PTPRN2: variants seen among roughly 807,000 people sequenced by gnomAD.
PTPRN2 encodes the protein protein tyrosine phosphatase receptor type N2.
Under a neutral mutation model 118.8 loss-of-function variants are expected in PTPRN2, and 74 were observed. The observed-to-expected ratio is 0.62, with a 90% confidence interval of 0.52 to 0.76. The LOEUF (loss-of-function observed/expected upper bound fraction) is 0.76, where lower values mean the gene tolerates loss of function less well. Ranked by LOEUF, PTPRN2 falls within the 30% of genes least tolerant of loss-of-function variation. The pLI, the probability that PTPRN2 is intolerant of heterozygous loss-of-function variation, is 0.00. For synonymous variants in PTPRN2, 641 were observed against 608.0 expected, an observed-to-expected ratio of 1.05 and a Z score of -0.80; for missense variants, 1,481 against 1,394.4, an observed-to-expected ratio of 1.06 and a Z score of -0.99.
At chr7:157,751,113 C>T (rs137861336) in intron 12 of PTPRN2, among the ~76,000 whole-genome samples, 8 of 152,308 alleles carry the variant, frequency 5.3e-5, no homozygotes, top group African/African-American at 9.6e-5. Context: ...AGGAGGCTCC[C>T]GACGCCCAGT....
chr7:157,970,711 C>A (rs1355754351), intron 11 of PTPRN2, among the ~76,000 whole-genome samples: 1 of 151,446 alleles, frequency 6.6e-6, no homozygotes, highest in Non-Finnish European at 1.5e-5. Context: ...CTGTGCCCAG[C>A]ACAACACACA....
chr7:158,140,264 A>G (rs1819248882), intron 6 of PTPRN2, among the ~76,000 whole-genome samples: 4 of 152,236 alleles, frequency 2.6e-5, no homozygotes, highest in Admixed American at 2.6e-4. Flanking sequence ...AACTCCGAGG[A>G]GACTGTTTCA....
Position 158,071,571 on chromosome 7 carries a change from GTGGAGGTGCTCC to G in PTPRN2, c.1723+9715_1723+9726del, listed in dbSNP as rs1209640078. Among the ~76,000 whole-genome samples, 87 of 20,170 alleles carry G rather than the reference GTGGAGGTGCTCC, an allele frequency of 4.3e-3. 3 individuals carry two copies. Among genetic ancestry groups the G allele is most frequent in the Non-Finnish European group, 6.0e-3 (53 of 8,862 alleles). The allele number at this position is 20,170 out of a possible 152,430, so 13.2% of individuals were successfully genotyped here. ...GCTCCTGGTGGTGGAGGTGCTCCTG[GTGGAGGTGCTCC>G]TGGTGGAGGTGCTCCTGGTGGAGGT... On this transcript the variant is annotated intron_variant, in intron 11 of 22. Coordinates refer to ENST00000389418, the MANE Select transcript of PTPRN2 (RefSeq NM_002847.5).
At chr7:158,125,102 G>A (rs778505053) in intron 9 of PTPRN2, among the ~76,000 whole-genome samples, 9 of 152,170 alleles carry the variant, frequency 5.9e-5, no homozygotes, top group South Asian at 4.1e-4. Flanking sequence ...CTGAGCTGCC[G>A]GGCTGGCGAG....
chr7:158,102,656 G>A (rs1325709342), intron 10 of PTPRN2, among the ~76,000 whole-genome samples: 5 of 152,202 alleles, frequency 3.3e-5, no homozygotes, highest in Admixed American at 2.6e-4. Context: ...AAGGGGGTGT[G>A]GGATGGGCCT....
At chr7:158,129,525 TACAAC>T (rs891647078) in intron 9 of PTPRN2, among the ~76,000 whole-genome samples, 2 of 141,074 alleles carry the variant, frequency 1.4e-5, no homozygotes, top group African/African-American at 5.5e-5. Flanking sequence ...ACACCACACA[TACAAC>T]ACACACTACA....
chr7:157,742,506 G>A (rs1225268767), intron 12 of PTPRN2, among the ~76,000 whole-genome samples: 1 of 148,608 alleles, frequency 6.7e-6, no homozygotes, highest in Non-Finnish European at 1.5e-5. Context: ...TTTTCCAGAA[G>A]TGGGTATCTA....
chr7:157,729,729 A>G lies in PTPRN2; in HGVS notation c.1789-46792T>C, dbSNP rs1395211359. Among the ~76,000 whole-genome samples the G allele has an allele frequency of 6.6e-6, 1 of 152,208 alleles. No homozygotes were observed. Among genetic ancestry groups the G allele is most frequent in the Non-Finnish European group, 1.5e-5 (1 of 68,026 alleles). ...CCCATGTGCTGGAAAGGACCCAGGAAGAGGGCTGAGGTCTCACGCCTGGCA... is the reference window on the plus strand; with the variant it reads ...CCCATGTGCTGGAAAGGACCCAGGAGGAGGGCTGAGGTCTCACGCCTGGCA... On this transcript the variant is annotated intron_variant, in intron 12 of 22. Coordinates refer to ENST00000389418, the MANE Select transcript of PTPRN2 (RefSeq NM_002847.5). The surrounding 1 kb of genome is among the most constrained non-coding windows in gnomAD (Gnocchi z 4.3).
chr7:158,065,126 G>A (rs1020089042), intron 11 of PTPRN2, among the ~76,000 whole-genome samples: 7 of 152,182 alleles, frequency 4.6e-5, no homozygotes, highest in Non-Finnish European at 8.8e-5. Context: ...TTGCCGACTC[G>A]GGACGAGAGA....
chr7:157,786,270 G>A (rs549961301), intron 12 of PTPRN2, among the ~76,000 whole-genome samples: 155 of 152,334 alleles, frequency 1.0e-3, no homozygotes, highest in Non-Finnish European at 1.7e-3. Context: ...TAGTCTTGCT[G>A]GTTTTCTCAC....
chr7:158,465,246 T>C (rs1017973289), intron 2 of PTPRN2, among the ~76,000 whole-genome samples: 1 of 152,204 alleles, frequency 6.6e-6, no homozygotes, highest in South Asian at 2.1e-4. Context: ...CCTATCAAGA[T>C]CCATCATGAT....
At chr7:158,321,033 G>A (rs1425933991) in intron 2 of PTPRN2, among the ~76,000 whole-genome samples, 1 of 152,070 alleles carries the variant, frequency 6.6e-6, no homozygotes, top group Non-Finnish European at 1.5e-5. Context: ...AGGTCTCTAT[G>A]AACATACTAG....
chr7:158,269,042 G>A (rs1798119790), intron 3 of PTPRN2, among the ~76,000 whole-genome samples: 1 of 152,192 alleles, frequency 6.6e-6, no homozygotes, highest in Non-Finnish European at 1.5e-5. Context: ...TGTTTTCTAG[G>A]AAGGACGTGG....
In PTPRN2 at chr7:158,076,587, A is replaced by G. The variant is rs570928816; in HGVS notation, c.1723+4711T>C. Among the ~76,000 whole-genome samples the G allele has an allele frequency of 2.0e-5, 3 of 152,332 alleles. No homozygotes were observed. The South Asian group carries it at 6.2e-4, about 32-fold the overall frequency. On this transcript the variant is annotated intron_variant, in intron 11 of 22. Transcript: ENST00000389418. ...TGGCTGCTGAAGATGAAGTTCCCAC[A>G]CTATGAAGTCCGATTCTGAATTCCA...
intron 11 of PTPRN2, among the ~76,000 whole-genome samples, chr7:157,959,271 T>G (rs960504549): frequency 6.6e-6 from 1 of 152,174 alleles, no homozygotes; most frequent in Non-Finnish European, 1.5e-5. Context: ...TAGGAAGACT[T>G]AGGGGGAAGC....
At chr7:157,542,132 G>T (rs759745606) in intron 22 of PTPRN2, among the ~76,000 whole-genome samples, 1 of 152,168 alleles carries the variant, frequency 6.6e-6, no homozygotes, top group Admixed American at 6.5e-5. Flanking sequence ...CCCTGTGGGG[G>T]CAGGGGCTCA....
At chr7:157,726,743 C>T (rs543639018) in intron 12 of PTPRN2, among the ~76,000 whole-genome samples, 11 of 152,302 alleles carry the variant, frequency 7.2e-5, no homozygotes, top group African/African-American at 2.2e-4. Flanking sequence ...AAAAGATTTG[C>T]GAATCAAATT....
chr7:158,124,994 G>A (rs755841678), intron 9 of PTPRN2, among the ~76,000 whole-genome samples: 2 of 152,226 alleles, frequency 1.3e-5, no homozygotes, highest in Non-Finnish European at 2.9e-5. Flanking sequence ...GGACCAGGGT[G>A]GGAGAAGGGA....
At chr7:158,454,650 A>G (rs1471879559) in intron 2 of PTPRN2, among the ~76,000 whole-genome samples, 1 of 152,156 alleles carries the variant, frequency 6.6e-6, no homozygotes, top group African/African-American at 2.4e-5. Flanking sequence ...GATGGTTGCT[A>G]TGGAGGACAG....
Sources: gnomAD v4.1 joint callset for allele counts (sites outside exome capture counted in the v4.1 genomes callset) on GRCh38, gnomAD v4.1.1 for gene constraint, Gnocchi (gnomAD v3.1) non-coding constraint, MANE v1.5 for transcripts, NCBI Gene and HGNC (gene_info 2026-07-23, HGNC 2026-07-21) for gene names.